TMEM74: variants seen among roughly 807,000 people sequenced by gnomAD.
The protein encoded by TMEM74 is transmembrane protein 74.
A neutral mutation model predicts 18.1 loss-of-function variants in TMEM74; 13 were observed. That is an observed-to-expected ratio of 0.72 (90% CI 0.47 to 1.14). The LOEUF (loss-of-function observed/expected upper bound fraction) is 1.14, where lower values mean the gene tolerates loss of function less well. Among genes scored for constraint, TMEM74 ranks in the 50% most tolerant of loss-of-function variants. TMEM74 has a pLI of 0.00. For synonymous variants in TMEM74, 159 were observed against 146.6 expected (o/e 1.08, Z -0.61); for missense variants, 372 against 375.9 (o/e 0.99, Z 0.09).
chr8:108,778,694 T>C (rs762416017), downstream of TMEM74, among the ~76,000 whole-genome samples: 4 of 152,180 alleles, frequency 2.6e-5, no homozygotes, highest in Non-Finnish European at 4.4e-5. Context: ...TAAATTGTGA[T>C]ACATTCTTCA....
intron 1 of TMEM74, among the ~76,000 whole-genome samples, chr8:108,724,459 T>C (rs1184524562): frequency 1.3e-5 from 2 of 152,266 alleles, no homozygotes; most frequent in Non-Finnish European, 2.9e-5. Flanking sequence ...TACAGATGTA[T>C]CCATGATCAT....
At chr8:108,636,932 A>G (rs920285051) in intron 2 of TMEM74, among the ~76,000 whole-genome samples, 3 of 152,110 alleles carry the variant, frequency 2.0e-5, no homozygotes, top group Non-Finnish European at 4.4e-5. Flanking sequence ...TGTGTTGACC[A>G]TGATCGGTCA....
intron 1 of TMEM74, among the ~76,000 whole-genome samples, chr8:108,698,509 G>T (rs1312864181): frequency 6.6e-6 from 1 of 152,128 alleles, no homozygotes; most frequent in Non-Finnish European, 1.5e-5. Context: ...TACCACCTGT[G>T]GTATGCTTAG....
chr8:108,651,729 C>T (rs894448237), intron 2 of TMEM74, among the ~76,000 whole-genome samples: 3 of 151,838 alleles, frequency 2.0e-5, no homozygotes, highest in East Asian at 1.9e-4. Flanking sequence ...AATATGTGGA[C>T]CCCCAGTTGA....
chr8:108,654,201 A>T (rs1004878483), intron 2 of TMEM74, among the ~76,000 whole-genome samples: 1 of 152,200 alleles, frequency 6.6e-6, no homozygotes, highest in African/African-American at 2.4e-5. Context: ...GGATAAAGGC[A>T]GCAGAGGAAA....
In TMEM74 at chr8:108,632,507, A is replaced by G. The variant is rs531276949; in HGVS notation, n.264+22786T>C. ...AAAGATGATGAGAAATTTATAGAAA[A>G]TTAGTTTATTTAAATAAACCTCTAA... On this transcript the variant is annotated intron_variant and non_coding_transcript_variant, in intron 2 of 3. Coordinates refer to the TMEM74 transcript ENST00000518838. Among the ~76,000 whole-genome samples the G allele has an allele frequency of 4.6e-5, 7 of 152,184 alleles. No individual in the cohort carries two copies. In the East Asian group the frequency reaches 9.7e-4, roughly 21 times the overall value.
chr8:108,748,088 A>T (rs2130650842), intron 1 of TMEM74, among the ~76,000 whole-genome samples: 1 of 152,200 alleles, frequency 6.6e-6, no homozygotes, highest in South Asian at 2.1e-4. Flanking sequence ...CAGTAATGGG[A>T]TTGCTGGGTT....
Position 108,640,429 on chromosome 8 carries a change from T to C in TMEM74, n.264+14864A>G, listed in dbSNP as rs557107489. Among the ~76,000 whole-genome samples the C allele has an allele frequency of 4.6e-5, 7 of 152,224 alleles. No homozygotes were observed. In the South Asian group the frequency reaches 1.5e-3, roughly 32 times the overall value. On this transcript the variant is annotated intron_variant and non_coding_transcript_variant, in intron 2 of 3. Coordinates refer to the TMEM74 transcript ENST00000518838. ...GTGCCTGGCCTATAGTAATCACTTC[T>C]TAAATTTTTATTTTAGCTTCATCAT...
intron 1 of TMEM74, among the ~76,000 whole-genome samples, chr8:108,770,123 T>C (rs1814155429): frequency 6.6e-6 from 1 of 152,172 alleles, no homozygotes; most frequent in African/African-American, 2.4e-5. Context: ...GTCAGAAATG[T>C]TCCCACCTAC....
intron 2 of TMEM74, among the ~76,000 whole-genome samples, chr8:108,631,491 T>C (rs1243002759): frequency 6.6e-6 from 1 of 152,034 alleles, no homozygotes; most frequent in Non-Finnish European, 1.5e-5. Flanking sequence ...CTCAAAACAC[T>C]CAGCATATTT....
At chr8:108,673,590 G>A (rs553806097) in intron 1 of TMEM74, among the ~76,000 whole-genome samples, 28 of 152,294 alleles carry the variant, frequency 1.8e-4, no homozygotes, top group African/African-American at 6.5e-4. Context: ...CCAAGAAACA[G>A]GAGCACGTAT....
chr8:108,652,658 A>G, intron 2 of TMEM74: 1 of 617,228 alleles, frequency 1.6e-6, no homozygotes, highest in Non-Finnish European at 3.1e-6. Flanking sequence ...AAAGAAGAAA[A>G]GCCAATTGTG....
At chr8:108,778,000 T>C (rs1251394982), downstream of TMEM74, among the ~76,000 whole-genome samples, 1 of 152,136 alleles carries the variant, frequency 6.6e-6, no homozygotes, top group Non-Finnish European at 1.5e-5. Context: ...TTTTTAAGCA[T>C]TTAATAAAGA....
intron 1 of TMEM74, among the ~76,000 whole-genome samples, chr8:108,731,319 A>G (rs141445902): frequency 6.6e-6 from 1 of 152,240 alleles, no homozygotes; most frequent in East Asian, 1.9e-4. Flanking sequence ...TTTCTGGGAA[A>G]ATGTACAATC....
intron 1 of TMEM74, among the ~76,000 whole-genome samples, chr8:108,679,758 C>T (rs1250006856): frequency 2.6e-5 from 4 of 152,064 alleles, no homozygotes; most frequent in Non-Finnish European, 1.5e-5. Flanking sequence ...TTAATTAGAT[C>T]CCATTTGTCA....
chr8:108,618,747 T>C (rs3019378), intron 2 of TMEM74, among the ~76,000 whole-genome samples: 32,008 of 152,122 alleles, frequency 0.21, 3,408 homozygotes, highest in East Asian at 0.27. Flanking sequence ...TTACTTATGT[T>C]TAGTATGTTT....
intron 1 of TMEM74, among the ~76,000 whole-genome samples, chr8:108,754,655 GTAGGTAGC>G (rs3083596): frequency 0.33 from 48,006 of 143,528 alleles, 7,920 homozygotes; most frequent in East Asian, 0.4. Flanking sequence ...AGGTAGGTAG[GTAGGTAGC>G]TAGGTAGCTA....
At chr8:108,740,250 A>T (rs773552083) in intron 1 of TMEM74, among the ~76,000 whole-genome samples, 31 of 152,142 alleles carry the variant, frequency 2.0e-4, no homozygotes, top group Non-Finnish European at 4.0e-4. Flanking sequence ...GGGGTTTCTC[A>T]CAGCATGATC....
intron 1 of TMEM74, among the ~76,000 whole-genome samples, chr8:108,668,078 C>G (rs1812967656): frequency 6.6e-6 from 1 of 152,114 alleles, no homozygotes; most frequent in African/African-American, 2.4e-5. Context: ...TGCTCTATTT[C>G]AAATCAGTTT....
Sources: gnomAD v4.1 joint callset for allele counts (sites outside exome capture counted in the v4.1 genomes callset) on GRCh38, gnomAD v4.1.1 for gene constraint, MANE v1.5 for transcripts, NCBI Gene and HGNC (gene_info 2026-07-23, HGNC 2026-07-21) for gene names.